Variants in ETFB observed in about 807,000 individuals in gnomAD.
The protein encoded by ETFB is beta-ETF.
ETFB carries 20 observed loss-of-function variants against 25.6 expected under a neutral mutation model. That is an observed-to-expected ratio of 0.78 (90% confidence interval 0.55 to 1.14). ETFB has a LOEUF of 1.14. Among genes scored for constraint, ETFB ranks in the 50% most tolerant of loss-of-function variants. ETFB has a pLI of 0.00. For synonymous variants in ETFB, 142 were observed against 146.7 expected (o/e 0.97, Z 0.23); for missense variants, 286 against 342.6 (o/e 0.83, Z 1.30).
intron 4 of ETFB, 120 bp downstream of exon 4, chr19:51,350,209 C>A (rs1026771606): frequency 9.0e-7 from 1 of 1,115,166 alleles, no homozygotes; most frequent in African/African-American, 1.5e-5. Context: ...AGCCATGAGG[C>A]AATCCGAGGG....
At chr19:51,364,009 C>T (rs759668574) in intron 1 of ETFB, among the ~76,000 whole-genome samples, 2 of 152,126 alleles carry the variant, frequency 1.3e-5, no homozygotes, top group African/African-American at 2.4e-5. Flanking sequence ...AGAGGGGCTG[C>T]GACTCTGTCC....
At chr19:51,358,286 G>A (rs1367855877) in intron 1 of ETFB, among the ~76,000 whole-genome samples, 1 of 152,202 alleles carries the variant, frequency 6.6e-6, no homozygotes, top group Non-Finnish European at 1.5e-5. Flanking sequence ...TCCTCCCACA[G>A]GCAGGACAGA....
At chr19:51,363,861 G>A (rs1986289091) in intron 1 of ETFB, among the ~76,000 whole-genome samples, 1 of 152,188 alleles carries the variant, frequency 6.6e-6, no homozygotes, top group Non-Finnish European at 1.5e-5. Context: ...GCAAGCCGCG[G>A]CCTGGTCTGT....
At chr19:51,353,386 G>GC in intron 2 of ETFB, 96 bp from the exon 3 acceptor site, 4 of 1,078,094 alleles carry the variant, frequency 3.7e-6, no homozygotes, top group Non-Finnish European at 5.4e-6. Context: ...AGGAGTCCAG[G>GC]GCCCCATCCC....
At chr19:51,362,197 ACAC>A (rs1986250008) in intron 1 of ETFB, among the ~76,000 whole-genome samples, 1 of 138,104 alleles carries the variant, frequency 7.2e-6, no homozygotes, top group Non-Finnish European at 1.6e-5. Context: ...ACACACACAC[ACAC>A]ACACGAATAC....
intron 5 of ETFB, 75 bp from the exon 6 acceptor site, chr19:51,345,456 G>T (rs1160760750): frequency 1.6e-5 from 24 of 1,470,482 alleles, no homozygotes; most frequent in Non-Finnish European, 2.3e-5. Flanking sequence ...TCCCATGGGT[G>T]CCAGGCCTGC....
intron 1 of ETFB, among the ~76,000 whole-genome samples, chr19:51,363,983 A>T (rs2123615886): frequency 6.6e-6 from 1 of 152,306 alleles, no homozygotes; most frequent in East Asian, 1.9e-4. Context: ...ACCACAAAGC[A>T]TCCCAAATGC....
rs1434234790 is a variant in ETFB at position 51,366,277 on chromosome 19, G to C, written c.50C>G (p.Ala17Gly). 3 of 1,613,874 alleles carry C rather than the reference G, an allele frequency of 1.9e-6. No homozygotes were observed. Among genetic ancestry groups the C allele is most frequent in the Non-Finnish European group, 2.5e-6 (3 of 1,179,992 alleles). The change falls in exon 1 of 6, where the codon GCC becomes GGC. Residue 17 changes from alanine (A) to glycine (G), a missense_variant. Transcript: ENST00000309244. Reference sequence around the variant, plus strand: ...AGAGGGGGGCCCGATCACCTTCACGGCGTAGTCGATGACCCTCTTGACAGC... The same window carrying C: ...AGAGGGGGGCCCGATCACCTTCACGCCGTAGTCGATGACCCTCTTGACAGC... ...LVAVKRVIDY[A>G]VKIRVKPDRT...
In ETFB at chr19:51,350,201, C is replaced by G; in HGVS notation, c.438+128G>C. 4 of 1,049,310 alleles carry G rather than the reference C, an allele frequency of 3.8e-6. No individual in the cohort carries two copies. In the East Asian group the frequency reaches 7.9e-5, roughly 21 times the overall value. 65.0% of individuals were successfully genotyped at this position (1,049,310 alleles called of 1,614,324 possible). On this transcript the variant is annotated intron_variant, in intron 4 of 5. Coordinates refer to ENST00000309244, the MANE Select transcript of ETFB (RefSeq NM_001985.3). ...GACCTCAAGGAGGGGAACAAGAAAG[C>G]CATGAGGCAATCCGAGGGAACAGTG...
chr19:51,354,640 T>C, intron 1 of ETFB: 1 of 1,613,214 alleles, frequency 6.2e-7, no homozygotes, highest in Non-Finnish European at 8.5e-7. Flanking sequence ...GAGGTACATT[T>C]TACTGTATCT....
rs538719827 is a variant in ETFB at position 51,350,025 on chromosome 19, C to T, written c.438+304G>A. ...TCGGCCTCCCAAAGTGCTGGGATTA[C>T]AGGCATGACTCACCATGCCTGGCCC... On this transcript the variant is annotated intron_variant, in intron 4 of 5. Coordinates refer to ENST00000309244, the MANE Select transcript of ETFB (RefSeq NM_001985.3). Among the ~76,000 whole-genome samples the T allele has an allele frequency of 9.2e-5, 14 of 152,322 alleles. No homozygotes were observed. The South Asian group carries it at 1.2e-3, about 14-fold the overall frequency.
chr19:51,358,383 G>C (rs928109738), intron 1 of ETFB, among the ~76,000 whole-genome samples: 3 of 152,152 alleles, frequency 2.0e-5, no homozygotes, highest in African/African-American at 7.2e-5. Flanking sequence ...ATGGAGGACT[G>C]AGACCGGGCG....
At chr19:51,354,125 GC>G (rs746599424) in intron 2 of ETFB, 24 bp downstream of exon 2, 1 of 1,610,742 alleles carries the variant, frequency 6.2e-7, no homozygotes, top group South Asian at 1.1e-5. Context: ...CAGGAGTCCA[GC>G]CCCCTCCCCA....
At chr19:51,347,151 A>G in intron 4 of ETFB, 93 bp from the exon 5 acceptor site, 1 of 1,274,660 alleles carries the variant, frequency 7.8e-7, no homozygotes, top group Admixed American at 1.8e-5. Flanking sequence ...ACACGCATGG[A>G]CTAGTGAATG....
At chr19:51,348,412 C>T (rs12976097) in intron 4 of ETFB, 53,125 of 151,926 alleles carry the variant, frequency 0.35, 11,089 homozygotes, top group Non-Finnish European at 0.47. Flanking sequence ...AAGACTCCAC[C>T]TCAAAAAAAT....
At chr19:51,355,411 A>C (rs1202079163) in intron 1 of ETFB, 3 of 152,278 alleles carry the variant, frequency 2.0e-5, no homozygotes, top group Non-Finnish European at 4.4e-5. Context: ...CACACCAGTT[A>C]GAACGGCGAT....
intron 5 of ETFB, 87 bp from the exon 6 acceptor site, chr19:51,345,468 G>T: frequency 7.3e-7 from 1 of 1,363,558 alleles, no homozygotes; most frequent in Non-Finnish European, 1.0e-6. Flanking sequence ...CAGGCCTGCA[G>T]ACCAGTCCCA....
chr19:51,354,564 C>T (rs1335521946), intron 1 of ETFB: 1 of 1,614,092 alleles, frequency 6.2e-7, no homozygotes, highest in Non-Finnish European at 8.5e-7. Flanking sequence ...CTACTGTTGT[C>T]ACTGCTCCTC....
At chr19:51,363,741 G>A (rs1247415767) in intron 1 of ETFB, among the ~76,000 whole-genome samples, 5 of 152,106 alleles carry the variant, frequency 3.3e-5, no homozygotes, top group Admixed American at 6.6e-5. Context: ...GAGCCACCGC[G>A]CCTGGCCGAG....
Sources: gnomAD v4.1 joint callset for allele counts (sites outside exome capture counted in the v4.1 genomes callset) on GRCh38, gnomAD v4.1.1 for gene constraint, MANE v1.5 for transcripts, NCBI Gene and HGNC (gene_info 2026-07-23, HGNC 2026-07-21) for gene names.